Variants in TLL1 observed in about 807,000 individuals in gnomAD.
TLL1 encodes the protein tolloid like 1.
In TLL1, 49 loss-of-function variants were observed where a neutral mutation model predicts 128.2. The observed-to-expected ratio is 0.38, with a 90% CI of 0.30 to 0.48. The LOEUF is 0.48. Ranked by LOEUF, TLL1 falls within the 20% of genes least tolerant of loss-of-function variation. The pLI is 0.96. For missense variants in TLL1, 1,123 were observed against 1,242.0 expected (o/e 0.90, Z 1.44); for synonymous variants, 454 against 418.8 (o/e 1.08, Z -1.03).
intron 12 of TLL1, among the ~76,000 whole-genome samples, chr4:166,046,864 C>A (rs562207070): frequency 3.7e-4 from 57 of 152,220 alleles, no homozygotes; most frequent in African/African-American, 1.3e-3. Context: ...GTATTCCGAG[C>A]AACTTAATAG....
At chr4:165,954,459 A>T (rs555897478) in intron 1 of TLL1, among the ~76,000 whole-genome samples, 27 of 152,268 alleles carry the variant, frequency 1.8e-4, no homozygotes, top group African/African-American at 6.5e-4. Context: ...AAAGCACAGC[A>T]TTAGGAGTGT....
At chr4:165,929,979 A>G (rs974923076) in intron 1 of TLL1, among the ~76,000 whole-genome samples, 11 of 152,206 alleles carry the variant, frequency 7.2e-5, no homozygotes, top group African/African-American at 2.4e-4. Context: ...ACCAGAAACT[A>G]AAATTCATGA....
At chr4:165,892,190 A>G (rs112379805) in intron 1 of TLL1, among the ~76,000 whole-genome samples, 3 of 152,340 alleles carry the variant, frequency 2.0e-5, no homozygotes, top group Admixed American at 6.5e-5. Context: ...CCATGATTCA[A>G]TTACTTCCCA....
intron 1 of TLL1, among the ~76,000 whole-genome samples, chr4:165,875,286 G>A (rs537696074): frequency 8.5e-5 from 13 of 152,218 alleles, no homozygotes; most frequent in African/African-American, 2.9e-4. Flanking sequence ...TCTTGGGCCT[G>A]GAGGAAGGAG....
Position 166,100,847 on chromosome 4 carries a change from T to C in TLL1, c.3013T>C (p.Tyr1005His), listed in dbSNP as rs545718475. 1 of 1,612,810 alleles carries C rather than the reference T, an allele frequency of 6.2e-7. No individual in the cohort carries two copies. Among genetic ancestry groups the C allele is most frequent in the Admixed American group, 1.7e-5 (1 of 59,888 alleles). The change falls in exon 21 of 21, where the codon TAT becomes CAT. Residue 1005 changes from tyrosine to histidine, a missense_variant. Tyr to His is a moderately conservative substitution (Grantham distance 83). This residue lies in a region of TLL1 where 634 missense variants were observed against 672.4 expected (regional missense o/e 0.94). Transcript: ENST00000061240. The part of the protein sequence containing the change: ...GFHIRYKSIR[Y>H]PDTTHTKK ...TCATATAAGATACAAAAGCATAAGA[T>C]ATCCAGATACCACACATACCAAAAA...
At chr4:165,999,656 T>C (rs1417975654) in intron 5 of TLL1, among the ~76,000 whole-genome samples, 4 of 143,216 alleles carry the variant, frequency 2.8e-5, no homozygotes, top group African/African-American at 1.1e-4. Flanking sequence ...TTTTTTTTTG[T>C]AAAAATGAGG....
chr4:166,037,598 A>G (rs1238643535), intron 9 of TLL1, among the ~76,000 whole-genome samples: 1 of 152,172 alleles, frequency 6.6e-6, no homozygotes, highest in Admixed American at 6.5e-5. Flanking sequence ...ACCTGAGGTC[A>G]GGAGTTCAAA....
chr4:165,895,658 A>AAAC (rs1421423727), intron 1 of TLL1, among the ~76,000 whole-genome samples: 1 of 135,010 alleles, frequency 7.4e-6, no homozygotes, highest in East Asian at 2.5e-4. Flanking sequence ...AAAAAAAAAA[A>AAAC]AAAAGACACT....
At chr4:166,089,756 T>G (rs1303357802) in intron 18 of TLL1, among the ~76,000 whole-genome samples, 1 of 152,160 alleles carries the variant, frequency 6.6e-6, no homozygotes, top group African/African-American at 2.4e-5. Context: ...ACTCTAATGC[T>G]TATTGGTTAT....
At chr4:166,090,674 T>C (rs1741725706) in intron 18 of TLL1, among the ~76,000 whole-genome samples, 1 of 152,068 alleles carries the variant, frequency 6.6e-6, no homozygotes, top group African/African-American at 2.4e-5. Context: ...TGCATTTAAG[T>C]TTTGTAAAAA....
At chr4:166,059,675 G>A (rs769659557) in intron 14 of TLL1, among the ~76,000 whole-genome samples, 4 of 151,494 alleles carry the variant, frequency 2.6e-5, no homozygotes, top group Non-Finnish European at 4.4e-5. Flanking sequence ...CCTTAATTCT[G>A]TAGTGGCCAA....
intron 18 of TLL1, among the ~76,000 whole-genome samples, chr4:166,079,050 A>C (rs1306895162): frequency 2.0e-5 from 3 of 152,188 alleles, no homozygotes; most frequent in African/African-American, 4.8e-5. Context: ...CTATACTTGT[A>C]AGTGACTTCC....
chr4:166,082,003 T>C (rs1741305210), intron 18 of TLL1, among the ~76,000 whole-genome samples: 1 of 152,212 alleles, frequency 6.6e-6, no homozygotes, highest in South Asian at 2.1e-4. Context: ...ACATAAAGCA[T>C]GTCTGTTCAA....
intron 1 of TLL1, among the ~76,000 whole-genome samples, chr4:165,933,110 C>T (rs1160484208): frequency 1.3e-5 from 2 of 152,126 alleles, no homozygotes; most frequent in Non-Finnish European, 2.9e-5. Context: ...TTTTTCAAGC[C>T]TACTTTGTTT....
chr4:166,082,260 C>A (rs902433241), intron 18 of TLL1, among the ~76,000 whole-genome samples: 2 of 152,104 alleles, frequency 1.3e-5, no homozygotes, highest in Non-Finnish European at 2.9e-5. Flanking sequence ...ACCATCCTAT[C>A]CCATGGATCA....
At chr4:165,939,456 T>G (rs1203003555) in intron 1 of TLL1, among the ~76,000 whole-genome samples, 3 of 152,138 alleles carry the variant, frequency 2.0e-5, no homozygotes, top group Admixed American at 2.0e-4. Flanking sequence ...AACTTCTTTA[T>G]TCTATGTAGC....
chr4:166,098,105 A>G (rs1461576364), intron 19 of TLL1, among the ~76,000 whole-genome samples: 4 of 151,988 alleles, frequency 2.6e-5, no homozygotes, highest in African/African-American at 9.7e-5. Flanking sequence ...AGGCTAAGGC[A>G]GGTGGATCAC....
At chr4:165,936,258 T>G (rs1039927661) in intron 1 of TLL1, among the ~76,000 whole-genome samples, 1 of 149,152 alleles carries the variant, frequency 6.7e-6, no homozygotes, top group African/African-American at 2.5e-5. Context: ...CACACTCTGT[T>G]GTCCAGGATG....
chr4:166,000,932 T>C (rs1265528639), intron 5 of TLL1, among the ~76,000 whole-genome samples: 2 of 152,178 alleles, frequency 1.3e-5, no homozygotes, highest in South Asian at 4.1e-4. Flanking sequence ...ATAATAAATT[T>C]GTAAATGATG....
Sources: allele counts gnomAD v4.1 joint callset (sites outside exome capture counted in the v4.1 genomes callset), GRCh38; gene constraint gnomAD v4.1.1; regional missense constraint gnomAD v4.1.1; transcripts MANE v1.5; gene names NCBI Gene and HGNC (gene_info 2026-07-23, HGNC 2026-07-21).